The following SLCO3A1 variants were observed in gnomAD, a reference collection of about 807,000 sequenced individuals.
The protein encoded by SLCO3A1 is solute carrier organic anion transporter family member 3A1, also known as PGE1 transporter.
SLCO3A1 carries 27 observed loss-of-function variants against 63.1 expected under a neutral mutation model. That is an observed-to-expected ratio of 0.43 (90% CI 0.32 to 0.59). The LOEUF (loss-of-function observed/expected upper bound fraction) is 0.59, where lower values mean the gene tolerates loss of function less well. Ranked by LOEUF, SLCO3A1 falls within the 20% of genes least tolerant of loss-of-function variation. The pLI is 0.09. For synonymous variants in SLCO3A1, 473 were observed against 409.9 expected (o/e 1.15, Z -1.86); for missense variants, 773 against 945.8 (o/e 0.82, Z 2.40).
intron 1 of SLCO3A1, among the ~76,000 whole-genome samples, chr15:91,880,376 C>T (rs1048981186): frequency 3.5e-4 from 25 of 71,054 alleles, no homozygotes; most frequent in East Asian, 6.1e-4. Context: ...TACCGGCACT[C>T]GTGCTTCTCT....
intron 2 of SLCO3A1, among the ~76,000 whole-genome samples, chr15:92,056,389 T>C (rs1371002986): frequency 6.6e-6 from 1 of 152,186 alleles, no homozygotes; most frequent in East Asian, 1.9e-4. Flanking sequence ...ATCTTTGCTT[T>C]TCAGAACCTT....
chr15:91,869,736 A>T (rs1324813261), intron 1 of SLCO3A1, among the ~76,000 whole-genome samples: 1 of 152,056 alleles, frequency 6.6e-6, no homozygotes, highest in Non-Finnish European at 1.5e-5. Flanking sequence ...TGGGAAGTAG[A>T]CACCCCAGCC....
chr15:92,128,554 T>C, intron 7 of SLCO3A1, 65 bp downstream of exon 7: 33 of 1,469,190 alleles, frequency 2.2e-5, no homozygotes, highest in Non-Finnish European at 2.7e-5. Flanking sequence ...AAAACCCAAG[T>C]TTTTGCCCAG....
intron 9 of SLCO3A1, among the ~76,000 whole-genome samples, chr15:92,153,072 C>T (rs2048327594): frequency 6.6e-6 from 1 of 152,156 alleles, no homozygotes; most frequent in African/African-American, 2.4e-5. Flanking sequence ...AATCATCATA[C>T]ACTGCTGTAA....
chr15:92,101,279 C>T (rs1037412281), intron 3 of SLCO3A1, among the ~76,000 whole-genome samples: 30 of 152,232 alleles, frequency 2.0e-4, no homozygotes, highest in Middle Eastern at 3.4e-3. Context: ...GAGGCCAACG[C>T]GGGTGGATCA....
chr15:91,922,285 G>C (rs1898877166), intron 2 of SLCO3A1, among the ~76,000 whole-genome samples: 2 of 152,196 alleles, frequency 1.3e-5, no homozygotes, highest in Non-Finnish European at 2.9e-5. Context: ...GCGGAAAGGG[G>C]TTCTTTGAGA....
intron 7 of SLCO3A1, among the ~76,000 whole-genome samples, chr15:92,141,464 G>A (rs2048131005): frequency 6.6e-6 from 1 of 152,142 alleles, no homozygotes; most frequent in African/African-American, 2.4e-5. Context: ...TATGCTATTG[G>A]GGTTTGGGGT....
chr15:92,115,815 CAAAA>C (rs765666191), intron 4 of SLCO3A1, among the ~76,000 whole-genome samples: 63 of 86,718 alleles, frequency 7.3e-4, no homozygotes, highest in Non-Finnish European at 1.1e-3. Context: ...TCTCTTCCCT[CAAAA>C]AAAAAAAAAA....
chr15:92,135,826 A>G (rs1199881366), intron 7 of SLCO3A1, among the ~76,000 whole-genome samples: 1 of 152,194 alleles, frequency 6.6e-6, no homozygotes, highest in African/African-American at 2.4e-5. Flanking sequence ...CAGGAAGAGC[A>G]TGGCCTGTGG....
At chr15:91,904,225 C>T (rs1006737820) in intron 1 of SLCO3A1, among the ~76,000 whole-genome samples, 3 of 152,174 alleles carry the variant, frequency 2.0e-5, no homozygotes, top group African/African-American at 7.2e-5. Flanking sequence ...ATTACAGGTA[C>T]ACCTTTTGGT....
intron 1 of SLCO3A1, among the ~76,000 whole-genome samples, chr15:91,905,304 C>T (rs909398828): frequency 6.6e-6 from 1 of 152,148 alleles, no homozygotes; most frequent in African/African-American, 2.4e-5. Context: ...ATAGCTATCC[C>T]TTGGGATCTG....
At chr15:92,028,651 C>T (rs1049023947) in intron 2 of SLCO3A1, among the ~76,000 whole-genome samples, 2 of 152,080 alleles carry the variant, frequency 1.3e-5, no homozygotes, top group Non-Finnish European at 2.9e-5. Context: ...CAAATATAAT[C>T]GTTTTAAGCT....
At chr15:92,127,166 G>A (rs971426248) in intron 6 of SLCO3A1, among the ~76,000 whole-genome samples, 2 of 152,156 alleles carry the variant, frequency 1.3e-5, no homozygotes, top group East Asian at 3.9e-4. Flanking sequence ...TCACGGGGTT[G>A]CCCCTTCCAA....
intron 4 of SLCO3A1, among the ~76,000 whole-genome samples, chr15:92,115,226 C>T (rs1199442764): frequency 6.6e-6 from 1 of 152,146 alleles, no homozygotes; most frequent in Non-Finnish European, 1.5e-5. Flanking sequence ...TACATTGCTT[C>T]CTGACCTGGC....
At chr15:91,925,168 C>T (rs1424308111) in intron 2 of SLCO3A1, among the ~76,000 whole-genome samples, 1 of 152,230 alleles carries the variant, frequency 6.6e-6, no homozygotes, top group Admixed American at 6.5e-5. Context: ...GACATTTCCT[C>T]TAATAACATG....
chr15:91,862,736 C>T lies in SLCO3A1; in HGVS notation c.180+8648C>T, dbSNP rs780302911. Among the ~76,000 whole-genome samples, 2 of 152,200 alleles carry T rather than the reference C, an allele frequency of 1.3e-5. No individual in the cohort carries two copies. Among genetic ancestry groups the T allele is most frequent in the South Asian group, 2.1e-4 (1 of 4,836 alleles). On this transcript the variant is annotated intron_variant, in intron 1 of 9. Transcript: ENST00000318445. The surrounding 1 kb of genome is among the most constrained non-coding windows in gnomAD (Gnocchi z 4.0). ...ATAGAAGGCAAACTAAATCCCTGCT[C>T]ACAAAACTACAGGAATTTGAGGGAG...
intron 1 of SLCO3A1, among the ~76,000 whole-genome samples, chr15:91,890,816 G>C (rs1256354731): frequency 6.6e-6 from 1 of 152,208 alleles, no homozygotes; most frequent in Non-Finnish European, 1.5e-5. Context: ...GGAGCTCTCT[G>C]CTGGTGTGAC....
intron 2 of SLCO3A1, among the ~76,000 whole-genome samples, chr15:92,001,627 T>C (rs900304873): frequency 1.3e-5 from 2 of 152,294 alleles, no homozygotes; most frequent in African/African-American, 2.4e-5. Context: ...GTTTAGTGGA[T>C]TGAGGCTGCA....
intron 2 of SLCO3A1, among the ~76,000 whole-genome samples, chr15:92,094,581 A>G (rs537209623): frequency 1.3e-5 from 2 of 152,372 alleles, no homozygotes; most frequent in East Asian, 3.9e-4. Context: ...CAGAAAAAAT[A>G]TTTAATGATA....
Sources: gnomAD v4.1 joint callset for allele counts (sites outside exome capture counted in the v4.1 genomes callset) on GRCh38, gnomAD v4.1.1 for gene constraint, Gnocchi (gnomAD v3.1) non-coding constraint, MANE v1.5 for transcripts, NCBI Gene and HGNC (gene_info 2026-07-23, HGNC 2026-07-21) for gene names.